TTC27: variants seen among roughly 807,000 people sequenced by gnomAD.
TTC27 encodes tetratricopeptide repeat domain 27.
TTC27 carries 79 observed loss-of-function variants against 115.9 expected under a neutral mutation model. That is an observed-to-expected ratio of 0.68 (90% CI 0.57 to 0.82). TTC27 has a LOEUF of 0.82. Among genes scored for constraint, TTC27 ranks in the 40% least tolerant of loss-of-function variants. TTC27 has a pLI of 0.00. For missense variants in TTC27, 1,054 were observed against 993.1 expected (o/e 1.06, Z -0.82); for synonymous variants, 401 against 356.0 (o/e 1.13, Z -1.42).
chr2:32,663,687 T>G (rs916091608), intron 5 of TTC27, among the ~76,000 whole-genome samples: 1 of 151,986 alleles, frequency 6.6e-6, no homozygotes, highest in African/African-American at 2.4e-5. Flanking sequence ...TATGTATTTA[T>G]TTATTTATTT....
At chr2:32,674,271 C>T (rs1346481669) in intron 8 of TTC27, among the ~76,000 whole-genome samples, 1 of 151,810 alleles carries the variant, frequency 6.6e-6, no homozygotes, top group East Asian at 2.0e-4. Flanking sequence ...CTGCTTCAGC[C>T]TCCCAAGTAG....
intron 16 of TTC27, among the ~76,000 whole-genome samples, chr2:32,795,405 T>G (rs1670664522): frequency 6.6e-6 from 1 of 151,974 alleles, no homozygotes; most frequent in African/African-American, 2.4e-5. Flanking sequence ...TCAGCACACA[T>G]TCCTGATTTA....
intron 10 of TTC27, among the ~76,000 whole-genome samples, chr2:32,727,932 T>C (rs1239007621): frequency 6.6e-6 from 1 of 151,920 alleles, no homozygotes; most frequent in Non-Finnish European, 1.5e-5. Flanking sequence ...TTTATAAGAG[T>C]TTAAAGGGGT....
intron 12 of TTC27, among the ~76,000 whole-genome samples, chr2:32,754,242 TAAAC>T (rs975480761): frequency 6.6e-6 from 1 of 151,472 alleles, no homozygotes; most frequent in African/African-American, 2.4e-5. Context: ...GGTCAGCAGA[TAAAC>T]AAGTGAACAA....
chr2:32,631,871 C>T (rs927650242), intron 2 of TTC27, among the ~76,000 whole-genome samples: 4 of 150,628 alleles, frequency 2.7e-5, no homozygotes, highest in Middle Eastern at 3.4e-3. Flanking sequence ...AGTGCAGAGG[C>T]GTGATCTCGG....
chr2:32,762,644 T>C (rs1270690786), intron 13 of TTC27, among the ~76,000 whole-genome samples: 2 of 151,778 alleles, frequency 1.3e-5, no homozygotes, highest in Non-Finnish European at 2.9e-5. Context: ...TTTTTTGTTT[T>C]GTTTTTTGAG....
intron 8 of TTC27, among the ~76,000 whole-genome samples, chr2:32,675,837 G>C (rs1008785157): frequency 1.3e-5 from 2 of 151,798 alleles, no homozygotes; most frequent in Non-Finnish European, 2.9e-5. Context: ...TGTTGGCCAG[G>C]CTAGAGTACA....
rs73924869 is a variant in TTC27 at position 32,784,586 on chromosome 2, A to G, written c.1832+1908A>G. Among the ~76,000 whole-genome samples, 697 of 152,278 alleles carry G rather than the reference A, an allele frequency of 4.6e-3. 7 individuals carry two copies. The highest frequency in any genetic ancestry group is 0.016 in the African/African-American group (680 of 41,566). On this transcript the variant is annotated intron_variant, in intron 15 of 19. Transcript: ENST00000317907. ...CCCATGTAAAAATGTCTATATTCGGATGTAATTTTAATGGTGCAATATCTC... is the reference window on the plus strand; with the variant it reads ...CCCATGTAAAAATGTCTATATTCGGGTGTAATTTTAATGGTGCAATATCTC...
At chr2:32,715,871 T>G (rs1667737213) in intron 10 of TTC27, among the ~76,000 whole-genome samples, 1 of 152,038 alleles carries the variant, frequency 6.6e-6, no homozygotes, top group African/African-American at 2.4e-5. Context: ...TGTTTGTTTT[T>G]TTTTTTTAAT....
At chr2:32,679,030 A>G (rs1404390287) in intron 9 of TTC27, 108 bp downstream of exon 9, 2 of 880,722 alleles carry the variant, frequency 2.3e-6, no homozygotes, top group Non-Finnish European at 3.5e-6. Context: ...CACCTAAGGA[A>G]ATAAGGTGGA....
chr2:32,704,935 T>A, intron 10 of TTC27: 1 of 470,928 alleles, frequency 2.1e-6, no homozygotes, highest in Non-Finnish European at 4.4e-6. Context: ...TTTGTGAGAT[T>A]TCTCCCCAAG....
At position 32,817,634 on chromosome 2, in the gene TTC27, T is replaced by C. The variant is rs1311682074; in HGVS notation, c.2409+77T>C. On this transcript the variant is annotated intron_variant, in intron 19 of 19. Transcript: ENST00000317907. ...AGTATCAGCTTATTGCTGTTAAATC[T>C]TCTTTTACATCAGTGATAATTTTAG... The C allele has an allele frequency of 4.9e-6, 6 of 1,232,820 alleles. No homozygotes were observed. In the East Asian group the frequency reaches 1.4e-4, roughly 29 times the overall value. 76.4% of individuals were successfully genotyped at this position (1,232,820 alleles called of 1,614,324 possible). A position where few individuals can be genotyped will look rare whatever the true frequency, so the allele number is the denominator to read the frequency against.
intron 8 of TTC27, 113 bp downstream of exon 8, chr2:32,672,497 G>A: frequency 1.3e-6 from 1 of 741,714 alleles, no homozygotes; most frequent in East Asian, 2.6e-5. Context: ...AGGGAATTTT[G>A]TAGTGCTTAT....
At chr2:32,663,986 C>A (rs566640520) in intron 5 of TTC27, among the ~76,000 whole-genome samples, 2 of 146,206 alleles carry the variant, frequency 1.4e-5, no homozygotes, top group African/African-American at 2.7e-5. Flanking sequence ...CCCGTCCCCC[C>A]ACTATTTTTT....
Position 32,787,078 on chromosome 2 carries a change from G to T in TTC27, c.1927G>T (p.Gly643Trp). 1 of 1,614,074 alleles carries T rather than the reference G, an allele frequency of 6.2e-7. No individual in the cohort carries two copies. The highest frequency in any genetic ancestry group is 8.5e-7 in the Non-Finnish European group (1 of 1,179,994). Residue 643 changes from glycine (G) to tryptophan (W), a missense_variant, in exon 16 of 20, where the codon GGG becomes TGG. Coordinates refer to ENST00000317907, the MANE Select transcript of TTC27 (RefSeq NM_017735.5). ...ENYILTSTDV[G>W]EFSEAIKAYH... is the part of the protein sequence containing the mutation. ...CTACATCCTCACCAGCACTGACGTT[G>T]GGGAATTTTCAGAAGCCATTAAAGC...
chr2:32,800,268 A>T (rs1232373919), intron 16 of TTC27, among the ~76,000 whole-genome samples: 6 of 151,918 alleles, frequency 3.9e-5, no homozygotes, highest in African/African-American at 1.5e-4. Flanking sequence ...GCTCACTGCA[A>T]CCTCCGCCTC....
At position 32,684,373 on chromosome 2, in the gene TTC27, C is replaced by T. The variant is rs925827965; in HGVS notation, c.1119+5451C>T. ...AAGTCTTTGCTATTGTGAATAATGC[C>T]GCAATAAACATACGTGTGCATGTGT... On this transcript the variant is annotated intron_variant, in intron 9 of 19. Transcript: ENST00000317907. Among the ~76,000 whole-genome samples, 68 of 151,072 alleles carry T rather than the reference C, an allele frequency of 4.5e-4. 1 individual carries two copies. Among genetic ancestry groups the T allele is most frequent in the African/African-American group, 1.6e-3 (66 of 41,014 alleles).
intron 9 of TTC27, among the ~76,000 whole-genome samples, chr2:32,698,453 A>T (rs942385493): frequency 2.9e-4 from 42 of 146,864 alleles, no homozygotes; most frequent in African/African-American, 9.5e-4. Flanking sequence ...TATTATTATT[A>T]TTATTTTTTA....
chr2:32,664,783 G>C (rs1168667076), intron 6 of TTC27, among the ~76,000 whole-genome samples: 1 of 151,570 alleles, frequency 6.6e-6, no homozygotes, highest in East Asian at 1.9e-4. Context: ...ACCAAGTTTG[G>C]CCTCTCTGCA....
Sources: allele counts gnomAD v4.1 joint callset (sites outside exome capture counted in the v4.1 genomes callset), GRCh38; gene constraint gnomAD v4.1.1; transcripts MANE v1.5; gene names NCBI Gene and HGNC (gene_info 2026-07-23, HGNC 2026-07-21).